The following ANKFN1 variants were observed in gnomAD, a reference collection of about 807,000 sequenced individuals.
The protein encoded by ANKFN1 is ankyrin repeat and fibronectin type III domain containing 1, also known as ankyrin repeat and fibronectin type-III domain-containing protein 1.
ANKFN1 carries 74 observed loss-of-function variants against 108.7 expected under a neutral mutation model. The ratio of observed to expected loss-of-function variants is 0.68; its 90% CI spans 0.56 to 0.83. The LOEUF is 0.83. Ranked by LOEUF, ANKFN1 falls within the 40% of genes least tolerant of loss-of-function variation. The probability of loss-of-function intolerance (pLI) is 0.00; values close to 1 mark genes in which losing one functional copy is unlikely to be tolerated. For missense variants in ANKFN1, 1,505 were observed against 1,382.3 expected (o/e 1.09, Z -1.41); for synonymous variants, 547 against 516.2 (o/e 1.06, Z -0.81).
chr17:56,488,633 AC>A (rs1406946969), intron 18 of ANKFN1, among the ~76,000 whole-genome samples: 1 of 152,188 alleles, frequency 6.6e-6, no homozygotes, highest in Non-Finnish European at 1.5e-5. Flanking sequence ...CCTTTATTCC[AC>A]CTGTCAACTC....
chr17:56,409,819 A>C (rs2048034993), intron 8 of ANKFN1, among the ~76,000 whole-genome samples: 1 of 152,148 alleles, frequency 6.6e-6, no homozygotes. Context: ...TACCTTCTTC[A>C]TTAACTTGAA....
chr17:56,201,444 T>C (rs1361798440), intron 1 of ANKFN1, among the ~76,000 whole-genome samples: 1 of 152,228 alleles, frequency 6.6e-6, no homozygotes, highest in Non-Finnish European at 1.5e-5. Flanking sequence ...TGTATATCCA[T>C]GCTTGTTCAT....
upstream of ANKFN1, among the ~76,000 whole-genome samples, chr17:56,148,671 A>T (rs1908413443): frequency 6.6e-6 from 1 of 152,238 alleles, no homozygotes; most frequent in African/African-American, 2.4e-5. Flanking sequence ...TGGTAGCAGT[A>T]GACTTTTATC....
intron 4 of ANKFN1, among the ~76,000 whole-genome samples, chr17:56,140,461 T>A (rs895595526): frequency 1.3e-5 from 2 of 152,162 alleles, no homozygotes; most frequent in African/African-American, 4.8e-5. Flanking sequence ...TTCTCACTAG[T>A]GGCCTGCCAT....
At chr17:56,104,004 T>G (rs999793349) in intron 4 of ANKFN1, among the ~76,000 whole-genome samples, 2 of 152,204 alleles carry the variant, frequency 1.3e-5, no homozygotes, top group Non-Finnish European at 2.9e-5. Flanking sequence ...TTATAAATAT[T>G]CTCTGATGTG....
intron 3 of ANKFN1, among the ~76,000 whole-genome samples, chr17:56,284,050 T>C (rs8069977): frequency 3.3e-5 from 5 of 152,214 alleles, no homozygotes; most frequent in Non-Finnish European, 1.5e-5. Flanking sequence ...CACATCTGAC[T>C]GATAAATTAA....
chr17:56,307,506 T>C (rs978050093), intron 3 of ANKFN1, among the ~76,000 whole-genome samples: 2 of 152,122 alleles, frequency 1.3e-5, no homozygotes, highest in African/African-American at 2.4e-5. Context: ...ATCAGAGAAA[T>C]GCAAATCAAA....
intron 2 of ANKFN1, among the ~76,000 whole-genome samples, chr17:56,221,371 G>T (rs114378264): frequency 6.6e-6 from 1 of 152,086 alleles, no homozygotes; most frequent in Non-Finnish European, 1.5e-5. Flanking sequence ...ACATCTGCTT[G>T]TATATATGCC....
intron 20 of ANKFN1, among the ~76,000 whole-genome samples, chr17:56,504,829 ATTTTTTTTTTT>A (rs5821133): frequency 8.6e-6 from 1 of 116,502 alleles, no homozygotes; most frequent in African/African-American, 3.3e-5. Context: ...TAATTTTTGG[ATTTTTTTTTTT>A]TTTTTTTTTT....
chr17:56,291,274 G>A (rs867639375), intron 3 of ANKFN1, among the ~76,000 whole-genome samples: 2 of 152,104 alleles, frequency 1.3e-5, no homozygotes, highest in Non-Finnish European at 2.9e-5. Flanking sequence ...CCTTGTCTGG[G>A]ATGGTATTTT....
intron 3 of ANKFN1, among the ~76,000 whole-genome samples, chr17:56,325,085 G>A (rs949965749): frequency 6.6e-6 from 1 of 152,178 alleles, no homozygotes; most frequent in Non-Finnish European, 1.5e-5. Flanking sequence ...TTGCTACAGA[G>A]TCTCATTCAA....
chr17:56,427,270 C>T (rs2048598886), intron 8 of ANKFN1, among the ~76,000 whole-genome samples: 1 of 152,040 alleles, frequency 6.6e-6, no homozygotes, highest in Non-Finnish European at 1.5e-5. Flanking sequence ...AAGATATGAA[C>T]CTTATCCAGA....
At chr17:56,354,189 T>G in intron 6 of ANKFN1, 143 bp downstream of exon 6, 1 of 763,906 alleles carries the variant, frequency 1.3e-6, no homozygotes, top group Admixed American at 2.6e-5. Context: ...TCATGGGCTT[T>G]CATGCAAATA....
intron 3 of ANKFN1, among the ~76,000 whole-genome samples, chr17:56,300,017 C>T (rs2044628637): frequency 1.3e-5 from 2 of 152,146 alleles, no homozygotes; most frequent in Non-Finnish European, 2.9e-5. Context: ...AAGGCAAGTG[C>T]GAGGTGCATA....
chr17:56,232,917 T>C (rs1314995021), intron 3 of ANKFN1, among the ~76,000 whole-genome samples: 2 of 152,162 alleles, frequency 1.3e-5, no homozygotes. Flanking sequence ...AGTTAATTAA[T>C]AATGCCACCT....
intron 4 of ANKFN1, among the ~76,000 whole-genome samples, chr17:56,118,491 TGTCCCTTATTA>T (rs1447616337): frequency 2.0e-4 from 31 of 152,298 alleles, no homozygotes; most frequent in African/African-American, 7.2e-4. Flanking sequence ...TATTTACTTA[TGTCCCTTATTA>T]GTCCCTTACT....
At chr17:56,101,110 G>A (rs1445427704) in intron 4 of ANKFN1, among the ~76,000 whole-genome samples, 1 of 152,098 alleles carries the variant, frequency 6.6e-6, no homozygotes, top group East Asian at 1.9e-4. Flanking sequence ...TACAATCCAG[G>A]AAGTGAACAG....
rs148787505 is a variant in ANKFN1, at chr17:56,153,554, A to G, written c.-71+24A>G. 98 of 1,613,232 alleles carry G rather than the reference A, an allele frequency of 6.1e-5. No homozygotes were observed. In the East Asian group the frequency reaches 2.1e-3, roughly 35 times the overall value. ...GGGTAGGAAAACAATAGTTCTAAAT[A>G]TCGGTAATTGGTGTTTGGAGGCCAT... On this transcript the variant is annotated intron_variant, in intron 1 of 20. Transcript: ENST00000682825.
chr17:56,122,204 A>T (rs769563732), intron 4 of ANKFN1, among the ~76,000 whole-genome samples: 1 of 152,204 alleles, frequency 6.6e-6, no homozygotes, highest in Non-Finnish European at 1.5e-5. Context: ...TCTCAGTAAA[A>T]TATCATCTAA....
Sources: allele counts gnomAD v4.1 joint callset (sites outside exome capture counted in the v4.1 genomes callset), GRCh38; gene constraint gnomAD v4.1.1; transcripts MANE v1.5; gene names NCBI Gene and HGNC (gene_info 2026-07-23, HGNC 2026-07-21).